IGSF10: variants seen among roughly 807,000 people sequenced by gnomAD.
IGSF10 encodes calvaria mechanical force protein 608.
A neutral mutation model predicts 128.2 loss-of-function variants in IGSF10; 126 were observed. The ratio of observed to expected loss-of-function variants is 0.98; its 90% CI spans 0.85 to 1.14. The LOEUF is 1.14. Ranked by LOEUF, IGSF10 falls within the 50% of genes most tolerant of loss-of-function variation. The pLI is 0.00. For missense variants in IGSF10, 3,295 were observed against 3,149.8 expected (o/e 1.05, Z -1.10); for synonymous variants, 1,185 against 1,146.2 (o/e 1.03, Z -0.68).
the IGSF10 span, among the ~76,000 whole-genome samples, chr3:151,520,858 A>T: frequency 1.6e-3 from 237 of 151,976 alleles, 1 homozygote; most frequent in African/African-American, 5.2e-3. Context: ...ACAATGACAG[A>T]ATCAAATCCA....
chr3:151,471,646 G>A, the IGSF10 span, among the ~76,000 whole-genome samples: 1 of 152,130 alleles, frequency 6.6e-6, no homozygotes, highest in Non-Finnish European at 1.5e-5. Context: ...GAAACTATGA[G>A]GGTTTTTCAC....
chr3:151,560,072 G>A, the IGSF10 span, among the ~76,000 whole-genome samples: 1 of 152,078 alleles, frequency 6.6e-6, no homozygotes, highest in Admixed American at 6.6e-5. Flanking sequence ...GACTGCAGAA[G>A]ACCAGGATAG....
the IGSF10 span, among the ~76,000 whole-genome samples, chr3:151,484,176 G>T: frequency 6.6e-6 from 1 of 152,356 alleles, no homozygotes; most frequent in South Asian, 2.1e-4. Context: ...TATAAACAAA[G>T]CCGCTTGGAA....
At chr3:151,504,745 T>C in the IGSF10 span, among the ~76,000 whole-genome samples, 146 of 152,362 alleles carry the variant, frequency 9.6e-4, no homozygotes, top group African/African-American at 3.0e-3. Context: ...TCTACTCTTG[T>C]GGCAACCACC....
At chr3:151,510,807 C>T in the IGSF10 span, among the ~76,000 whole-genome samples, 752 of 152,234 alleles carry the variant, frequency 4.9e-3, 7 homozygotes, top group African/African-American at 0.017. Context: ...ACAAGAACCA[C>T]GTGATGAATG....
the IGSF10 span, among the ~76,000 whole-genome samples, chr3:151,572,169 G>A: frequency 2.6e-5 from 4 of 152,158 alleles, no homozygotes; most frequent in African/African-American, 9.7e-5. Context: ...AGGGATATTG[G>A]TCTAAAATAC....
Position 151,437,926 on chromosome 3 carries a change from A to T in IGSF10, c.6635T>A (p.Val2212Glu), listed in dbSNP as rs1276603362. Reference sequence around the variant, plus strand: ...CCCACTGGGATTTCGGGCTACACATACGTACTCTCCAGAATCGAGCAGTTT... The same window carrying T: ...CCCACTGGGATTTCGGGCTACACATTCGTACTCTCCAGAATCGAGCAGTTT... Reference protein sequence around the residue: ...KVKLLDSGEYVCVARNPSGDD... With the variant: ...KVKLLDSGEYECVARNPSGDD... Residue 2212 changes from valine to glutamate, a missense_variant, in exon 8 of 8, where the codon GTA (valine) becomes GAA (glutamate). Transcript: ENST00000282466. The T allele has an allele frequency of 6.2e-7, 1 of 1,614,072 alleles. No homozygotes were observed. The highest frequency in any genetic ancestry group is 1.3e-5 in the African/African-American group (1 of 74,948).
At chr3:151,522,871 T>C in the IGSF10 span, among the ~76,000 whole-genome samples, 1 of 152,076 alleles carries the variant, frequency 6.6e-6, no homozygotes, top group African/African-American at 2.4e-5. Flanking sequence ...GACATCCAAA[T>C]AGGAGGAGAG....
chr3:151,438,019 T>A lies in IGSF10; in HGVS notation c.6542A>T (p.Asp2181Val), dbSNP rs1720522447. The change falls in exon 8 of 8, where the codon GAC becomes GTC. Residue 2181 changes from aspartate to valine, a missense_variant. Transcript: ENST00000282466. ...CCTATCAATGGAGAAGGAAATCATG[T>A]CATTGGAAGGCAGCAACCAAAATAT... ...PKIFWLLPSN[D>V]MISFSIDRYT... 6.2e-7 allele frequency: 1 copy of A among 1,614,186 alleles called. No homozygotes were observed. The highest frequency in any genetic ancestry group is 8.5e-7 in the Non-Finnish European group (1 of 1,180,036).
At chr3:151,505,456 A>G in the IGSF10 span, among the ~76,000 whole-genome samples, 1 of 152,202 alleles carries the variant, frequency 6.6e-6, no homozygotes, top group Non-Finnish European at 1.5e-5. Context: ...TGAGATTTGC[A>G]CATTTAGTGA....
In IGSF10 at chr3:151,438,112, T is replaced by G; in HGVS notation, c.6449A>C (p.Asn2150Thr). The change falls in exon 8 of 8, where the codon AAC (asparagine) becomes ACC (threonine). Residue 2150 changes from asparagine (N) to threonine (T), a missense_variant. Coordinates refer to ENST00000282466, the MANE Select transcript of IGSF10 (RefSeq NM_178822.5). The part of the protein sequence containing the change: ...APRIRQSNKT[N>T]KRIKAGDTAV... ...TGTGTCTCCAGCTTTGATTCTCTTG[T>G]TGGTTTTGTTACTCTGCCTTATCCG... 6.2e-7 allele frequency: 1 copy of G among 1,614,184 alleles called. No individual in the cohort carries two copies. The highest frequency in any genetic ancestry group is 8.5e-7 in the Non-Finnish European group (1 of 1,180,026).
At chr3:151,538,773 G>A in the IGSF10 span, among the ~76,000 whole-genome samples, 3 of 152,150 alleles carry the variant, frequency 2.0e-5, no homozygotes, top group Non-Finnish European at 4.4e-5. Context: ...ACAGAACAAT[G>A]TTGAGTTGAA....
At chr3:151,527,450 G>A in the IGSF10 span, among the ~76,000 whole-genome samples, 1 of 152,054 alleles carries the variant, frequency 6.6e-6, no homozygotes, top group Non-Finnish European at 1.5e-5. Flanking sequence ...CAGTGATAAG[G>A]CAGATATTCA....
intron 7 of IGSF10, among the ~76,000 whole-genome samples, chr3:151,438,810 A>G (rs1720644362): frequency 6.9e-6 from 1 of 144,294 alleles, no homozygotes; most frequent in Non-Finnish European, 1.5e-5. Flanking sequence ...ATATATATAT[A>G]TATACATTTT....
At chr3:151,568,773 T>C in the IGSF10 span, among the ~76,000 whole-genome samples, 3 of 152,192 alleles carry the variant, frequency 2.0e-5, no homozygotes, top group African/African-American at 7.2e-5. Context: ...AAAGGAAGAA[T>C]GGGCTGCTGA....
the IGSF10 span, among the ~76,000 whole-genome samples, chr3:151,535,169 T>C: frequency 6.6e-6 from 1 of 152,164 alleles, no homozygotes; most frequent in Non-Finnish European, 1.5e-5. Context: ...AACTATTAAA[T>C]CTAGTTATCA....
downstream of IGSF10, chr3:151,434,302 C>A (rs936122499): frequency 2.0e-5 from 3 of 152,056 alleles, no homozygotes; most frequent in Non-Finnish European, 4.4e-5. Context: ...TTTATATCTT[C>A]CTGGGTGAGT....
At chr3:151,533,904 A>C in the IGSF10 span, among the ~76,000 whole-genome samples, 1 of 152,240 alleles carries the variant, frequency 6.6e-6, no homozygotes, top group Non-Finnish European at 1.5e-5. Flanking sequence ...CAATCTATCC[A>C]TCTGACAAAG....
the IGSF10 span, among the ~76,000 whole-genome samples, chr3:151,607,414 A>C: frequency 0.052 from 7,949 of 152,140 alleles, 683 homozygotes; most frequent in African/African-American, 0.18. Flanking sequence ...AAAAAAAACC[A>C]CTAATAACAA....
Sources: allele counts gnomAD v4.1 joint callset (sites outside exome capture counted in the v4.1 genomes callset), GRCh38; gene constraint gnomAD v4.1.1; transcripts MANE v1.5; gene names NCBI Gene and HGNC (gene_info 2026-07-23, HGNC 2026-07-21).